The following GABRA1 variants were observed in gnomAD, a reference collection of about 807,000 sequenced individuals.
GABRA1 encodes the protein gamma-aminobutyric acid receptor subunit alpha-1.
A neutral mutation model predicts 48.9 loss-of-function variants in GABRA1; 9 were observed. That is an observed-to-expected ratio of 0.18 (90% CI 0.11 to 0.32). GABRA1 has a LOEUF of 0.32. GABRA1 is among the 10% of genes least tolerant of loss of function. GABRA1 has a pLI of 1.00. For synonymous variants in GABRA1, 210 were observed against 198.7 expected, an observed-to-expected ratio of 1.06 and a Z score of -0.48; for missense variants, 285 against 553.8, an observed-to-expected ratio of 0.51 and a Z score of 4.87.
rs1032693844 is a variant in GABRA1 at position 161,851,330 on chromosome 5, C to T, written c.74+446C>T. Among the ~76,000 whole-genome samples, 6 of 152,102 alleles carry T rather than the reference C, an allele frequency of 3.9e-5. No individual in the cohort carries two copies. In the East Asian group the frequency reaches 9.7e-4, roughly 25 times the overall value. On this transcript the variant is annotated intron_variant, in intron 2 of 9. Coordinates refer to ENST00000393943, the MANE Select transcript of GABRA1 (RefSeq NM_001127644.2). ...TAAATAATATCTGTTATTTGAAAATCACGTCTCTCTAAATGCATATGCATA... is the reference window on the plus strand; with the variant it reads ...TAAATAATATCTGTTATTTGAAAATTACGTCTCTCTAAATGCATATGCATA...
chr5:161,875,236 G>C (rs1211707357), intron 5 of GABRA1, among the ~76,000 whole-genome samples: 1 of 152,108 alleles, frequency 6.6e-6, no homozygotes, highest in African/African-American at 2.4e-5. Context: ...GTGTTTATTT[G>C]CTTACATCTA....
intron 1 of GABRA1, among the ~76,000 whole-genome samples, chr5:161,849,759 G>T (rs186199907): frequency 6.6e-6 from 1 of 152,160 alleles, no homozygotes; most frequent in African/African-American, 2.4e-5. Flanking sequence ...ATTAATTACA[G>T]CACATTAAAA....
rs77911211 is a variant in GABRA1, at chr5:161,858,314, C to T, written c.187+4044C>T. On this transcript the variant is annotated intron_variant, in intron 3 of 9. Coordinates refer to ENST00000393943, the MANE Select transcript of GABRA1 (RefSeq NM_001127644.2). ...GCTCCTGCTGTACTGCACCCATCTG[C>T]GTGAAATTTCAGTCACTTTCATATT... Among the ~76,000 whole-genome samples the T allele has an allele frequency of 9.2e-5, 14 of 151,694 alleles. 1 individual carries two copies. In the East Asian group the frequency reaches 1.4e-3, roughly 15 times the overall value.
chr5:161,862,415 C>G (rs762615965), intron 3 of GABRA1, among the ~76,000 whole-genome samples: 4 of 151,760 alleles, frequency 2.6e-5, no homozygotes, highest in Non-Finnish European at 5.9e-5. Context: ...TTTTTTTCCT[C>G]TCCTTAATGT....
chr5:161,853,462 AG>A (rs1757528657), intron 2 of GABRA1, among the ~76,000 whole-genome samples: 1 of 151,942 alleles, frequency 6.6e-6, no homozygotes, highest in Non-Finnish European at 1.5e-5. Context: ...GCTACAGCTT[AG>A]TCAACCACAA....
chr5:161,862,998 C>T (rs906500201), intron 3 of GABRA1, among the ~76,000 whole-genome samples: 2 of 151,892 alleles, frequency 1.3e-5, no homozygotes, highest in Non-Finnish European at 2.9e-5. Context: ...CTGCTTTTCT[C>T]ATTTTTGCCT....
At chr5:161,875,763 C>T (rs1226470701) in intron 6 of GABRA1, 121 bp downstream of exon 6, 3 of 760,240 alleles carry the variant, frequency 3.9e-6, no homozygotes, top group Non-Finnish European at 7.2e-6. Context: ...CAATATACCA[C>T]ATGGACTTTC....
At chr5:161,850,081 T>TTGTG (rs61241552) in intron 1 of GABRA1, 5,677 of 147,980 alleles carry the variant, frequency 0.038, 157 homozygotes, top group Middle Eastern at 0.062. Flanking sequence ...TTGTGTGCAT[T>TTGTG]TGTGTGTGTG....
chr5:161,864,682 T>C (rs1757984949), intron 3 of GABRA1, among the ~76,000 whole-genome samples: 1 of 151,972 alleles, frequency 6.6e-6, no homozygotes, highest in South Asian at 2.1e-4. Context: ...ATATATAGTG[T>C]ACTTTAGCAA....
At chr5:161,868,611 G>A (rs1190241680) in intron 4 of GABRA1, among the ~76,000 whole-genome samples, 2 of 151,620 alleles carry the variant, frequency 1.3e-5, no homozygotes. Flanking sequence ...TTATAATAAT[G>A]TAAAATTTGC....
chr5:161,851,527 T>G (rs1013509048), intron 2 of GABRA1, among the ~76,000 whole-genome samples: 2 of 152,170 alleles, frequency 1.3e-5, no homozygotes, highest in African/African-American at 2.4e-5. Context: ...CATGTGAAAT[T>G]AATATAATAG....
chr5:161,859,589 T>C (rs1356869039), intron 3 of GABRA1, among the ~76,000 whole-genome samples: 1 of 151,818 alleles, frequency 6.6e-6, no homozygotes, highest in African/African-American at 2.4e-5. Flanking sequence ...TTTAATTCTT[T>C]TAAAATTCAA....
chr5:161,882,355 G>A, intron 6 of GABRA1: 1 of 587,268 alleles, frequency 1.7e-6, no homozygotes, highest in Non-Finnish European at 3.0e-6. Flanking sequence ...ATAACCATTT[G>A]TTGGAAGAGT....
rs533964011 is a variant in GABRA1 at position 161,881,207 on chromosome 5, C to T, written c.560-1351C>T. ...GGCCAACATTTACTATGATGCCTCCCCCTCAAAAACACTGGAAACAGCTTG... is the reference window on the plus strand; with the variant it reads ...GGCCAACATTTACTATGATGCCTCCTCCTCAAAAACACTGGAAACAGCTTG... On this transcript the variant is annotated intron_variant, in intron 6 of 9. Coordinates refer to ENST00000393943, the MANE Select transcript of GABRA1 (RefSeq NM_001127644.2). 1.2e-4 allele frequency among the ~76,000 whole-genome samples: 18 copies of T among 152,208 alleles called. No individual in the cohort carries two copies. In the South Asian group the frequency reaches 3.1e-3, roughly 26 times the overall value.
chr5:161,890,348 C>A (rs541335224), intron 7 of GABRA1, among the ~76,000 whole-genome samples: 2 of 152,132 alleles, frequency 1.3e-5, no homozygotes, highest in South Asian at 2.1e-4. Flanking sequence ...TTTTGAGAAA[C>A]AAAAGATTCT....
At chr5:161,852,524 T>C (rs1296180905) in intron 2 of GABRA1, among the ~76,000 whole-genome samples, 1 of 152,012 alleles carries the variant, frequency 6.6e-6, no homozygotes. Context: ...GGAATGGCAG[T>C]TGATTTTGTG....
Position 161,882,707 on chromosome 5 carries a change from T to A in GABRA1, c.703+6T>A, listed in dbSNP as rs771917368. 1 of 1,612,690 alleles carries A rather than the reference T, an allele frequency of 6.2e-7. No homozygotes were observed. The highest frequency in any genetic ancestry group is 1.1e-5 in the South Asian group (1 of 91,056). ...AATTGTCCAGTCAAGTACAGGTAAG[T>A]ACGATTTTGTTACTTCAGTTATGGA... On this transcript the variant is annotated splice_donor_region_variant and intron_variant, in intron 7 of 9. Transcript: ENST00000393943.
intron 3 of GABRA1, among the ~76,000 whole-genome samples, chr5:161,859,866 T>A (rs1022711611): frequency 6.6e-6 from 1 of 151,862 alleles, no homozygotes; most frequent in Non-Finnish European, 1.5e-5. Flanking sequence ...GTTTATCCAA[T>A]CTCTTGTTGT....
chr5:161,889,186 C>T (rs916620741), intron 7 of GABRA1, among the ~76,000 whole-genome samples: 1 of 151,974 alleles, frequency 6.6e-6, no homozygotes, highest in Non-Finnish European at 1.5e-5. Flanking sequence ...CTACAGAAAG[C>T]AGGATGTGTT....
Sources: allele counts gnomAD v4.1 joint callset (sites outside exome capture counted in the v4.1 genomes callset), GRCh38; gene constraint gnomAD v4.1.1; transcripts MANE v1.5; gene names NCBI Gene and HGNC (gene_info 2026-07-23, HGNC 2026-07-21).